Variants in TOP1MT observed in about 807,000 individuals in gnomAD.
TOP1MT encodes the protein DNA topoisomerase I, mitochondrial.
TOP1MT carries 80 observed loss-of-function variants against 73.9 expected under a neutral mutation model. The ratio of observed to expected loss-of-function variants is 1.08; its 90% CI spans 0.90 to 1.30. TOP1MT has a LOEUF of 1.30. Among genes scored for constraint, TOP1MT ranks in the 50% most tolerant of loss-of-function variants. The pLI is 0.00. For missense variants in TOP1MT, 815 were observed against 808.0 expected (o/e 1.01, Z -0.10); for synonymous variants, 338 against 326.4 (o/e 1.04, Z -0.38).
At chr8:143,342,566 G>A (rs1305297342) in intron 2 of TOP1MT, among the ~76,000 whole-genome samples, 1 of 124,542 alleles carries the variant, frequency 8.0e-6, no homozygotes, top group Non-Finnish European at 1.7e-5. Flanking sequence ...TAGAGACAGA[G>A]TCTCGCTCTG....
rs1215959129 is a variant in TOP1MT, at chr8:143,324,620, C to G, written c.681G>C (p.Lys227Asn). ...DVVINCSRDS[K>N]IPEPPAGHQW... The stretch of plus-strand genomic sequence containing the variant: ...GGTGCCCCGCCGGCGGCTCGGGGAT[C>G]TTCGAGTCCCTGCAGCAGAACAACG... The change falls in exon 6 of 14, where the codon AAG becomes AAC. Residue 227 changes from lysine to asparagine, a missense_variant. Transcript: ENST00000329245. 6.2e-7 allele frequency: 1 copy of G among 1,612,922 alleles called. No homozygotes were observed. Among genetic ancestry groups the G allele is most frequent in the East Asian group, 2.2e-5 (1 of 44,888 alleles).
chr8:143,342,539 GTTATTA>G (rs1171236474), intron 2 of TOP1MT, among the ~76,000 whole-genome samples: 20 of 47,454 alleles, frequency 4.2e-4, no homozygotes, highest in African/African-American at 2.3e-3. Context: ...GTCTCGCTCT[GTTATTA>G]TTATTATTAT....
At chr8:143,340,819 A>T (rs1286869677) in intron 2 of TOP1MT, among the ~76,000 whole-genome samples, 2 of 151,814 alleles carry the variant, frequency 1.3e-5, no homozygotes, top group African/African-American at 4.8e-5. Flanking sequence ...TTGTGCCACT[A>T]CCTAATTTGT....
chr8:143,331,109 C>T lies in TOP1MT; in HGVS notation c.238+115G>A, dbSNP rs973416763. On this transcript the variant is annotated intron_variant, in intron 2 of 13. Coordinates refer to ENST00000329245, the MANE Select transcript of TOP1MT (RefSeq NM_052963.3). Reference sequence around the variant, plus strand: ...TCACCTGCAAGAAGAGGGCACAGAGCGCTCATAGCCAGAAGCCTGCAGGGG... The same window carrying T: ...TCACCTGCAAGAAGAGGGCACAGAGTGCTCATAGCCAGAAGCCTGCAGGGG... 1.2e-4 allele frequency: 94 copies of T among 757,226 alleles called. 1 individual carries two copies. Among genetic ancestry groups the T allele is most frequent in the Non-Finnish European group, 4.9e-5 (23 of 465,636 alleles). The allele number at this position is 757,226 out of a possible 1,614,324, so 46.9% of individuals were successfully genotyped here. A position where few individuals can be genotyped will look rare whatever the true frequency, so the allele number is the denominator to read the frequency against.
chr8:143,345,480 C>T (rs929177394), upstream of TOP1MT, among the ~76,000 whole-genome samples: 6 of 152,244 alleles, frequency 3.9e-5, no homozygotes, highest in Non-Finnish European at 8.8e-5. Context: ...GCCCCTCCAG[C>T]TCCTGCTGCC....
chr8:143,322,634 A>ACACACGC (rs1816497425), intron 7 of TOP1MT, among the ~76,000 whole-genome samples: 30 of 77,192 alleles, frequency 3.9e-4, no homozygotes, highest in South Asian at 6.0e-4. Context: ...GGCACGTCAC[A>ACACACGC]CACACACGCC....
rs79138102 is a variant in TOP1MT at position 143,325,505 on chromosome 8, T to C, written c.512A>G (p.Gln171Arg). Residue 171 changes from glutamine to arginine, a missense_variant, in exon 5 of 14, where the codon CAG becomes CGG. Transcript: ENST00000329245. The part of the protein sequence containing the change: ...QKLKEEAEKL[Q>R]QEFGYCILDG... ...TAAAATACAGTAGCCGAACTCTTGC[T>C]GAAGTTTTTCTGCCTCTTCTTTTAG... 0.015 allele frequency: 24,473 copies of C among 1,610,304 alleles called. 236 individuals are homozygous for C. Among genetic ancestry groups the C allele is most frequent in the Non-Finnish European group, 0.018 (21,156 of 1,176,794 alleles).
At chr8:143,317,690 C>A in intron 10 of TOP1MT, 33 bp downstream of exon 10, 1 of 1,592,208 alleles carries the variant, frequency 6.3e-7, no homozygotes, top group Non-Finnish European at 8.6e-7. Flanking sequence ...CCGTGCTCCC[C>A]CCGCGCTGAG....
chr8:143,336,534 T>C (rs1295581184), upstream of TOP1MT, among the ~76,000 whole-genome samples: 2 of 152,120 alleles, frequency 1.3e-5, no homozygotes, highest in Non-Finnish European at 2.9e-5. Flanking sequence ...AAGACGAGGA[T>C]GTCCACTCTC....
In TOP1MT at chr8:143,351,543, G is replaced by A. The variant is rs1474427638; in HGVS notation, c.-39+4422C>T. Among the ~76,000 whole-genome samples, 8 of 149,612 alleles carry A rather than the reference G, an allele frequency of 5.3e-5. No homozygotes were observed. In the South Asian group the frequency reaches 1.1e-3, roughly 20 times the overall value. ...TGTGGTGAGCCAAGATCATGCCACCGCACTCCAGTCTGGGGGACAGAGTGA... is the reference window on the plus strand; with the variant it reads ...TGTGGTGAGCCAAGATCATGCCACCACACTCCAGTCTGGGGGACAGAGTGA... On this transcript the variant is annotated intron_variant, in intron 1 of 5. Coordinates refer to the TOP1MT transcript ENST00000518760.
chr8:143,340,768 CTTCTT>C (rs919678933), intron 2 of TOP1MT, among the ~76,000 whole-genome samples: 2 of 152,256 alleles, frequency 1.3e-5, no homozygotes, highest in African/African-American at 4.8e-5. Context: ...CTGTCTCCCT[CTTCTT>C]TTCTTTTCTG....
upstream of TOP1MT, among the ~76,000 whole-genome samples, chr8:143,339,109 G>T (rs1262833535): frequency 6.6e-6 from 1 of 152,226 alleles, no homozygotes. Flanking sequence ...GCTATGCAGG[G>T]ACTGCCCAGG....
Position 143,325,487 on chromosome 8 carries a change from C to T in TOP1MT, c.530G>A (p.Cys177Tyr), listed in dbSNP as rs767207040. 4 of 1,612,688 alleles carry T rather than the reference C, an allele frequency of 2.5e-6. No individual in the cohort carries two copies. The highest frequency in any genetic ancestry group is 2.7e-5 in the African/African-American group (2 of 74,922). ...AEKLQQEFGY[C>Y]ILDGHQEKIG... ...TTTTTCTTGGTGACCATCTAAAATA[C>T]AGTAGCCGAACTCTTGCTGAAGTTT... is the stretch of plus-strand genomic sequence containing the variant. The change falls in exon 5 of 14, where the codon TGT becomes TAT. Residue 177 changes from cysteine to tyrosine, a missense_variant. Cys to Tyr is a radical substitution (Grantham distance 194). Around this residue, in one of 3 missense-constraint regions of TOP1MT, gnomAD observed 751 missense variants for 725.4 expected, o/e 1.04. Transcript: ENST00000329245.
At chr8:143,339,582 C>G (rs936677465), upstream of TOP1MT, among the ~76,000 whole-genome samples, 2 of 152,228 alleles carry the variant, frequency 1.3e-5, no homozygotes, top group Non-Finnish European at 2.9e-5. Context: ...ACCCTACAAC[C>G]CACAGCTCAA....
chr8:143,326,381 G>A, intron 3 of TOP1MT, 37 bp from the exon 4 acceptor site: 1 of 1,612,662 alleles, frequency 6.2e-7, no homozygotes, highest in Non-Finnish European at 8.5e-7. Flanking sequence ...CACCATGTCT[G>A]AAGGACAGAC....
At position 143,341,985 on chromosome 8, in the gene TOP1MT, A is replaced by ATTATTATTAGAGACAGAGTCTCGCTG. The variant is rs1429555652; in HGVS notation, c.29+1234_29+1235insCAGCGAGACTCTGTCTCTAATAATAA. ...TTAGAGACAGAGTCTCGCTGTTATT[A>ATTATTATTAGAGACAGAGTCTCGCTG]TTATTATTAGAGACAGAGTCTCGCT... On this transcript the variant is annotated intron_variant, in intron 2 of 5. Transcript: ENST00000518007. The surrounding 1 kb of genome is among the most constrained non-coding windows in gnomAD (Gnocchi z 4.1). Among the ~76,000 whole-genome samples, 1 of 31,548 alleles carries ATTATTATTAGAGACAGAGTCTCGCTG rather than the reference A, an allele frequency of 3.2e-5. No homozygotes were observed. Among genetic ancestry groups the ATTATTATTAGAGACAGAGTCTCGCTG allele is most frequent in the Non-Finnish European group, 1.7e-4 (1 of 5,980 alleles). The allele number at this position is 31,548 out of a possible 152,430, so 20.7% of individuals were successfully genotyped here. A position where few individuals can be genotyped will look rare whatever the true frequency, so the allele number is the denominator to read the frequency against.
intron 1 of TOP1MT, among the ~76,000 whole-genome samples, chr8:143,352,548 T>C (rs1817335984): frequency 6.6e-6 from 1 of 152,324 alleles, no homozygotes; most frequent in Non-Finnish European, 1.5e-5. Context: ...AAGACCTAAA[T>C]GTAAGAGCCA....
chr8:143,349,503 T>C (rs1817285301), upstream of TOP1MT, among the ~76,000 whole-genome samples: 2 of 152,126 alleles, frequency 1.3e-5, no homozygotes, highest in South Asian at 4.1e-4. Flanking sequence ...AAACAATAGG[T>C]AACATTTCTC....
intron 3 of TOP1MT, chr8:143,327,772 G>A (rs368733359): frequency 2.3e-6 from 1 of 432,784 alleles, no homozygotes; most frequent in South Asian, 1.7e-5. Context: ...GGCCAAAGAA[G>A]AGGGTCCAGA....
Sources: allele counts gnomAD v4.1 joint callset (sites outside exome capture counted in the v4.1 genomes callset), GRCh38; gene constraint gnomAD v4.1.1; regional missense constraint gnomAD v4.1.1; non-coding constraint Gnocchi (gnomAD v3.1); transcripts MANE v1.5; gene names NCBI Gene and HGNC (gene_info 2026-07-23, HGNC 2026-07-21).